The following OR1I1 variants were observed in gnomAD, a reference collection of about 807,000 sequenced individuals.
OR1I1 encodes olfactory receptor 1I1.
For synonymous variants in OR1I1, 171 were observed against 181.4 expected (o/e 0.94, Z 0.46); for missense variants, 451 against 443.6 (o/e 1.02, Z -0.15).
rs58540570 is a variant in OR1I1, at chr19:15,088,773, G to GTAGATAGA, written c.*683_*690dup. The GTAGATAGA allele has an allele frequency of 5.4e-5, 8 of 147,194 alleles. No individual in the cohort carries two copies. Among genetic ancestry groups the GTAGATAGA allele is most frequent in the African/African-American group, 2.0e-4 (8 of 39,054 alleles). 9.1% of individuals were successfully genotyped at this position (147,194 alleles called of 1,614,324 possible). A position where few individuals can be genotyped will look rare whatever the true frequency, so the allele number is the denominator to read the frequency against. On this transcript the variant is annotated 3_prime_UTR_variant, in exon 2 of 2. Transcript: ENST00000641398. Reference sequence around the variant, plus strand: ...TAGATAGGGTGGATAGATAAGATATGTAGATAGATAGATAGATAGATAGAT... The same window carrying GTAGATAGA: ...TAGATAGGGTGGATAGATAAGATATGTAGATAGATAGATAGATAGATAGATAGATAGAT...
At position 15,087,996 on chromosome 19, in the gene OR1I1, C is replaced by CCCTGT. The variant is rs1361826960; in HGVS notation, c.935_939dup (p.Arg314ValfsTer37). The CCCTGT allele has an allele frequency of 6.2e-7, 1 of 1,614,128 alleles. No individual in the cohort carries two copies. The highest frequency in any genetic ancestry group is 2.2e-5 in the East Asian group (1 of 44,880). ...GAAGCTCATCGGCAAAGTGGCCGTC[C>CCCTGT]CCTGTCCTAGGCCAGAACAGTTATT... is the stretch of plus-strand genomic sequence containing the variant. On this transcript the variant is annotated frameshift_variant, in exon 2 of 2. Coordinates refer to ENST00000641398, the MANE Select transcript of OR1I1 (RefSeq NM_001004713.2). LOFTEE classifies it low-confidence loss of function (END_TRUNC).
chr19:15,082,917 C>T (rs1380484898), intron 1 of OR1I1, among the ~76,000 whole-genome samples: 2 of 152,100 alleles, frequency 1.3e-5, no homozygotes, highest in Non-Finnish European at 2.9e-5. Context: ...TCAAGTGATC[C>T]TCCCTCCTCA....
At chr19:15,082,934 CG>C in intron 1 of OR1I1, among the ~76,000 whole-genome samples, 1 of 152,114 alleles carries the variant, frequency 6.6e-6, no homozygotes, top group East Asian at 1.9e-4. Context: ...CTCAGCCTCC[CG>C]GGTACCTGGG....
chr19:15,082,305 G>A (rs1179852010), intron 1 of OR1I1, 29 bp downstream of exon 1: 1 of 152,214 alleles, frequency 6.6e-6, no homozygotes, highest in Admixed American at 6.6e-5. Flanking sequence ...CTTCCTAGGG[G>A]TTTAGTGCTG....
chr19:15,088,664 GTAGATAGATAGA>G lies in OR1I1; in HGVS notation c.*568_*579del, dbSNP rs57867625. 0.11 allele frequency: 16,202 copies of G among 146,220 alleles called. 1,151 individuals are homozygous for G. The highest frequency in any genetic ancestry group is 0.19 in the Middle Eastern group (56 of 290). 9.1% of individuals were successfully genotyped at this position (146,220 alleles called of 1,614,324 possible). A position where few individuals can be genotyped will look rare whatever the true frequency, so the allele number is the denominator to read the frequency against. On this transcript the variant is annotated 3_prime_UTR_variant, in exon 2 of 2. Coordinates refer to ENST00000641398, the MANE Select transcript of OR1I1 (RefSeq NM_001004713.2). Reference sequence around the variant, plus strand: ...ACTGAGCAAGATCTGTCACTCATAGGTAGATAGATAGATAGATAGATAGATAGATAGATAGAT... The same window carrying G: ...ACTGAGCAAGATCTGTCACTCATAGGTAGATAGATAGATAGATAGATAGAT...
chr19:15,082,854 G>A (rs1444669712), intron 1 of OR1I1, among the ~76,000 whole-genome samples: 1 of 152,042 alleles, frequency 6.6e-6, no homozygotes, highest in African/African-American at 2.4e-5. Context: ...CTGTTGCCCA[G>A]TCTGGAGTGC....
Position 15,090,576 on chromosome 19 carries a change from T to C in OR1I1, c.*2443T>C, listed in dbSNP as rs1040684429. ...TCTATTGTTTAAGTCACCTAGTTCA[T>C]GGTAATTTTTAAATTTTTTTTTCTT... On this transcript the variant is annotated 3_prime_UTR_variant, in exon 2 of 2. Coordinates refer to ENST00000641398, the MANE Select transcript of OR1I1 (RefSeq NM_001004713.2). The C allele has an allele frequency of 6.6e-6, 1 of 152,140 alleles. No individual in the cohort carries two copies. Among genetic ancestry groups the C allele is most frequent in the Non-Finnish European group, 1.5e-5 (1 of 68,046 alleles). 9.4% of individuals were successfully genotyped at this position (152,140 alleles called of 1,614,324 possible).
Position 15,087,580 on chromosome 19 carries a change from C to CTGAAATCT in OR1I1, c.516_523dup (p.Ser175LeufsTer14). ...GCTCAACTGACCTTCTGCGCCGGCT[C>CTGAAATCT]TGAAATCTCCCACTTCTTCTGTGAC... On this transcript the variant is annotated frameshift_variant, in exon 2 of 2. Transcript: ENST00000641398. LOFTEE classifies it low-confidence loss of function (END_TRUNC). The CTGAAATCT allele has an allele frequency of 6.2e-7, 1 of 1,614,068 alleles. No homozygotes were observed. The highest frequency in any genetic ancestry group is 1.6e-4 in the Middle Eastern group (1 of 6,062).
intron 1 of OR1I1, 77 bp downstream of exon 1, chr19:15,082,353 T>G (rs1316330077): frequency 6.6e-6 from 1 of 152,240 alleles, no homozygotes; most frequent in Non-Finnish European, 1.5e-5. Flanking sequence ...AGAAGGAGGC[T>G]TCCCGGGACC....
At chr19:15,085,436 T>C (rs1360872672) in intron 1 of OR1I1, among the ~76,000 whole-genome samples, 1 of 151,678 alleles carries the variant, frequency 6.6e-6, no homozygotes, top group East Asian at 1.9e-4. Context: ...CCTCCCAAAG[T>C]GCTGGGATTA....
Position 15,092,037 on chromosome 19 carries a change from A to G in OR1I1, c.*3904A>G, listed in dbSNP as rs955726113. The stretch of plus-strand genomic sequence containing the variant: ...AAGCTCTGAAAACTACAGTTAGAGA[A>G]GTGGCCACTAGGTGGCAATAATGTC... On this transcript the variant is annotated 3_prime_UTR_variant, in exon 2 of 2. Coordinates refer to ENST00000641398, the MANE Select transcript of OR1I1 (RefSeq NM_001004713.2). 6.8e-6 allele frequency: 1 copy of G among 147,266 alleles called. No homozygotes were observed. Among genetic ancestry groups the G allele is most frequent in the Admixed American group, 6.8e-5 (1 of 14,750 alleles). 9.1% of individuals were successfully genotyped at this position (147,266 alleles called of 1,614,324 possible). A position where few individuals can be genotyped will look rare whatever the true frequency, so the allele number is the denominator to read the frequency against.
At chr19:15,086,597 G>A (rs2046231005) in intron 1 of OR1I1, among the ~76,000 whole-genome samples, 1 of 152,012 alleles carries the variant, frequency 6.6e-6, no homozygotes, top group Non-Finnish European at 1.5e-5. Context: ...GGGATTGCAG[G>A]CGCCCACCAC....
Position 15,087,192 on chromosome 19 carries a change from G to C in OR1I1, c.127G>C (p.Ala43Pro), listed in dbSNP as rs752600660. 6.8e-6 allele frequency: 11 copies of C among 1,613,866 alleles called. No homozygotes were observed. The African/African-American group carries it at 8.0e-5, about 12-fold the overall frequency. ...ATACCTGGTCACCATCATTGGAAAT[G>C]CCCTCATTATCCTGGCCATCATCAC... ...STYLVTIIGN[A>P]LIILAIITDS... is the part of the protein sequence containing the mutation. Residue 43 changes from alanine to proline, a missense_variant, in exon 2 of 2, where the codon GCC becomes CCC. Coordinates refer to ENST00000641398, the MANE Select transcript of OR1I1 (RefSeq NM_001004713.2).
chr19:15,089,679 A>C lies in OR1I1; in HGVS notation c.*1546A>C, dbSNP rs2046249091. ...TCCCTACAAAAAATAAAAATGAAAA[A>C]AGAAAAAATTACCTGGGTGTGGTGG... On this transcript the variant is annotated 3_prime_UTR_variant, in exon 2 of 2. Transcript: ENST00000641398. 6.6e-6 allele frequency: 1 copy of C among 152,004 alleles called. No homozygotes were observed. The highest frequency in any genetic ancestry group is 1.5e-5 in the Non-Finnish European group (1 of 68,012). The allele number at this position is 152,004 out of a possible 1,614,324, so 9.4% of individuals were successfully genotyped here.
rs757692298 is a variant in OR1I1 at position 15,087,922 on chromosome 19, AC to A, written c.861del (p.Phe288LeufsTer10). 20 of 1,613,950 alleles carry A rather than the reference AC, an allele frequency of 1.2e-5. No individual in the cohort carries two copies. The South Asian group carries it at 2.0e-4, about 16-fold the overall frequency. ...TGTGGGGTGTTCATCCCCATGCTCA[AC>A]CCCTTTATCTACAGCATACGGAACA... Reference protein sequence around the residue: ...LMCGVFIPMLNPFIYSIRNKD... With the variant: ...LMCGVFIPMLXPFIYSIRNKD... On this transcript the variant is annotated frameshift_variant, in exon 2 of 2. Transcript: ENST00000641398. LOFTEE classifies it low-confidence loss of function (END_TRUNC).
rs951822914 is a variant in OR1I1 at position 15,088,529 on chromosome 19, G to A, written c.*396G>A. The A allele has an allele frequency of 1.0e-5, 2 of 199,478 alleles. No homozygotes were observed. Among genetic ancestry groups the A allele is most frequent in the Admixed American group, 5.4e-5 (1 of 18,470 alleles). The allele number at this position is 199,478 out of a possible 1,614,324, so 12.4% of individuals were successfully genotyped here. ...ACTTTAGCAAGACATGGTGGTATACGCCTGTAGTCTCAGCTAATCAGGAGG... is the reference window on the plus strand; with the variant it reads ...ACTTTAGCAAGACATGGTGGTATACACCTGTAGTCTCAGCTAATCAGGAGG... On this transcript the variant is annotated 3_prime_UTR_variant, in exon 2 of 2. Coordinates refer to ENST00000641398, the MANE Select transcript of OR1I1 (RefSeq NM_001004713.2).
intron 1 of OR1I1, among the ~76,000 whole-genome samples, chr19:15,086,700 C>T (rs1251570052): frequency 1.3e-5 from 2 of 152,106 alleles, no homozygotes; most frequent in South Asian, 4.1e-4. Flanking sequence ...AAGCAATCTG[C>T]CCGCCTCAGC....
chr19:15,086,827 C>T (rs2046231722), intron 1 of OR1I1, among the ~76,000 whole-genome samples: 1 of 152,114 alleles, frequency 6.6e-6, no homozygotes, highest in Non-Finnish European at 1.5e-5. Context: ...CTATGAGCGA[C>T]TCCGTTAGAT....
rs779132661 is a variant in OR1I1, at chr19:15,087,464, G to C, written c.399G>C (p.Leu133Phe). The change falls in exon 2 of 2, where the codon TTG becomes TTC. Residue 133 changes from leucine to phenylalanine, a missense_variant. Transcript: ENST00000641398. ...CCATTGTCCACCCACAGCGTTACTT[G>C]GTTCTCATGTGCTCCCCTGTCTGTG... ...FVAIVHPQRY[L>F]VLMCSPVCGL... 10 of 1,613,974 alleles carry C rather than the reference G, an allele frequency of 6.2e-6. No individual in the cohort carries two copies. The Admixed American group carries it at 1.7e-4, about 27-fold the overall frequency.
Sources: gnomAD v4.1 joint callset for allele counts (sites outside exome capture counted in the v4.1 genomes callset) on GRCh38, gnomAD v4.1.1 for gene constraint, MANE v1.5 for transcripts, NCBI Gene and HGNC (gene_info 2026-07-23, HGNC 2026-07-21) for gene names.